Variants in FGF14 observed in about 807,000 individuals in gnomAD.
FGF14 encodes fibroblast growth factor homologous factor 4.
FGF14 carries 5 observed loss-of-function variants against 25.5 expected under a neutral mutation model. That is an observed-to-expected ratio of 0.20 (90% confidence interval 0.10 to 0.41). FGF14 has a LOEUF of 0.41. FGF14 is among the 10% of genes least tolerant of loss of function. FGF14 has a pLI of 1.00. For missense variants in FGF14, 222 were observed against 320.1 expected, an observed-to-expected ratio of 0.69 and a Z score of 2.34; for synonymous variants, 138 against 118.3, an observed-to-expected ratio of 1.17 and a Z score of -1.08.
chr13:102,278,777 C>A (rs1485663456), intron 1 of FGF14, among the ~76,000 whole-genome samples: 3 of 152,036 alleles, frequency 2.0e-5, no homozygotes, highest in Non-Finnish European at 2.9e-5. Flanking sequence ...AAGCAAACAG[C>A]AATTGTGAGA....
intron 1 of FGF14, among the ~76,000 whole-genome samples, chr13:102,137,070 G>T (rs1016485977): frequency 1.3e-5 from 2 of 152,200 alleles, no homozygotes; most frequent in African/African-American, 4.8e-5. Context: ...CTATGCTAAA[G>T]TTTGGCTACT....
chr13:101,838,806 A>G (rs1442914629), intron 3 of FGF14, among the ~76,000 whole-genome samples: 1 of 152,078 alleles, frequency 6.6e-6, no homozygotes, highest in Non-Finnish European at 1.5e-5. Flanking sequence ...TAAATAATGA[A>G]AAAGTTGATA....
At chr13:102,056,330 AAT>A (rs1450640314) in intron 1 of FGF14, among the ~76,000 whole-genome samples, 6 of 152,198 alleles carry the variant, frequency 3.9e-5, no homozygotes, top group African/African-American at 1.4e-4. Context: ...ATAGTTCAAC[AAT>A]CATTTACCTT....
intron 1 of FGF14, among the ~76,000 whole-genome samples, chr13:102,161,001 T>C (rs1369322318): frequency 6.6e-6 from 1 of 152,126 alleles, no homozygotes; most frequent in South Asian, 2.1e-4. Context: ...GCTTAGAGGA[T>C]ATTAAAAGTC....
At chr13:101,968,635 T>G (rs1286545766) in intron 1 of FGF14, among the ~76,000 whole-genome samples, 3 of 136,386 alleles carry the variant, frequency 2.2e-5, no homozygotes, top group Non-Finnish European at 4.5e-5. Context: ...ATCGTGCCAC[T>G]GCAATCCAGC....
chr13:102,013,479 T>C (rs1022656398), intron 1 of FGF14, among the ~76,000 whole-genome samples: 1 of 152,200 alleles, frequency 6.6e-6, no homozygotes, highest in Admixed American at 6.5e-5. Context: ...GTCACAAATT[T>C]TGAGGTGCTC....
At chr13:101,942,939 C>T (rs751988235) in intron 1 of FGF14, among the ~76,000 whole-genome samples, 2 of 152,228 alleles carry the variant, frequency 1.3e-5, no homozygotes, top group Non-Finnish European at 1.5e-5. Flanking sequence ...GGAAATCAAT[C>T]GGCAGAGCTA....
At chr13:102,221,142 A>G (rs562110538) in intron 1 of FGF14, among the ~76,000 whole-genome samples, 107 of 152,336 alleles carry the variant, frequency 7.0e-4, no homozygotes, top group African/African-American at 2.5e-3. Flanking sequence ...TAGGTACTCT[A>G]GCAATGCAAA....
At chr13:101,827,956 G>A (rs1438716552) in intron 3 of FGF14, among the ~76,000 whole-genome samples, 1 of 149,734 alleles carries the variant, frequency 6.7e-6, no homozygotes, top group Non-Finnish European at 1.5e-5. Flanking sequence ...AAAAAGTGTG[G>A]TATACTGGTA....
At chr13:101,953,099 T>C (rs934949537) in intron 1 of FGF14, among the ~76,000 whole-genome samples, 1 of 151,144 alleles carries the variant, frequency 6.6e-6, no homozygotes, top group Non-Finnish European at 1.5e-5. Flanking sequence ...CTCCCTCTAC[T>C]ATTTGGCCAG....
chr13:101,894,489 G>A (rs1331405916), intron 1 of FGF14, among the ~76,000 whole-genome samples: 1 of 152,142 alleles, frequency 6.6e-6, no homozygotes, highest in African/African-American at 2.4e-5. Context: ...GTACAAAGAA[G>A]CAGTCTCAGA....
intron 1 of FGF14, among the ~76,000 whole-genome samples, chr13:102,369,212 T>C (rs1390902756): frequency 1.3e-5 from 2 of 152,178 alleles, no homozygotes; most frequent in Non-Finnish European, 2.9e-5. Flanking sequence ...CACTTTTTGG[T>C]GTTCTGTCAC....
At chr13:101,898,128 C>A (rs1456818117) in intron 1 of FGF14, among the ~76,000 whole-genome samples, 3 of 152,060 alleles carry the variant, frequency 2.0e-5, no homozygotes, top group Non-Finnish European at 2.9e-5. Context: ...CTCCTGACCT[C>A]AAGTGATCCA....
intron 1 of FGF14, among the ~76,000 whole-genome samples, chr13:102,350,529 CTCTCTTCCTA>C (rs2057246243): frequency 6.6e-6 from 1 of 152,182 alleles, no homozygotes; most frequent in South Asian, 2.1e-4. Flanking sequence ...GTTTTCCCAT[CTCTCTTCCTA>C]TCTTGTGTAG....
intron 1 of FGF14, among the ~76,000 whole-genome samples, chr13:102,000,169 AT>A (rs1453699156): frequency 6.6e-6 from 1 of 152,100 alleles, no homozygotes; most frequent in East Asian, 1.9e-4. Flanking sequence ...ACAAAAAAAA[AT>A]TAGCCGGGCC....
intron 1 of FGF14, among the ~76,000 whole-genome samples, chr13:101,959,719 A>C (rs553491412): frequency 6.6e-6 from 1 of 151,790 alleles, no homozygotes; most frequent in Admixed American, 6.6e-5. Context: ...TTTTGTTCAT[A>C]CTCTATTTGA....
At position 101,711,069 on chromosome 13, in the gene FGF14, C is replaced by G. The variant is rs1487917164; in HGVS notation, c.*11762G>C. 2 of 152,140 alleles carry G rather than the reference C, an allele frequency of 1.3e-5. No homozygotes were observed. The highest frequency in any genetic ancestry group is 1.5e-5 in the Non-Finnish European group (1 of 68,028). The allele number at this position is 152,140 out of a possible 1,614,324, so 9.4% of individuals were successfully genotyped here. A position where few individuals can be genotyped will look rare whatever the true frequency, so the allele number is the denominator to read the frequency against. The stretch of plus-strand genomic sequence containing the variant: ...GACTCAAATTGTTTTTGTGAATAAC[C>G]AAGAGAGATGAGGTTAGTGCAGTGC... On this transcript the variant is annotated 3_prime_UTR_variant, in exon 5 of 5. Transcript: ENST00000376143.
chr13:102,160,733 G>A (rs192844337), intron 1 of FGF14, among the ~76,000 whole-genome samples: 9 of 151,940 alleles, frequency 5.9e-5, no homozygotes, highest in Non-Finnish European at 1.2e-4. Context: ...CCTAGAATAG[G>A]ATAAAGGAGA....
chr13:102,009,255 T>A (rs9557783), intron 1 of FGF14, among the ~76,000 whole-genome samples: 75,968 of 151,980 alleles, frequency 0.5, 22,610 homozygotes, highest in African/African-American at 0.82. Context: ...CACTATAAAC[T>A]TCTTTCCATG....
Sources: gnomAD v4.1 joint callset for allele counts (sites outside exome capture counted in the v4.1 genomes callset) on GRCh38, gnomAD v4.1.1 for gene constraint, MANE v1.5 for transcripts, NCBI Gene and HGNC (gene_info 2026-07-23, HGNC 2026-07-21) for gene names.